CLEC1A: variants seen among roughly 807,000 people sequenced by gnomAD.
CLEC1A encodes C-type lectin-like receptor-1.
CLEC1A carries 34 observed loss-of-function variants against 28.7 expected under a neutral mutation model. The ratio of observed to expected loss-of-function variants is 1.18; its 90% CI spans 0.90 to 1.57. The LOEUF is 1.57. Among genes scored for constraint, CLEC1A ranks in the 40% most tolerant of loss-of-function variants. The pLI, the probability that CLEC1A is intolerant of heterozygous loss-of-function variation, is 0.00. For missense variants in CLEC1A, 385 were observed against 339.5 expected (o/e 1.13, Z -1.05); for synonymous variants, 116 against 121.0 (o/e 0.96, Z 0.27).
intron 2 of CLEC1A, among the ~76,000 whole-genome samples, chr12:10,085,720 G>A (rs1040128207): frequency 6.6e-6 from 1 of 152,150 alleles, no homozygotes; most frequent in Non-Finnish European, 1.5e-5. Context: ...CACAATAATA[G>A]TGGGGGACTT....
intron 3 of CLEC1A, among the ~76,000 whole-genome samples, chr12:10,079,253 C>T (rs1449363961): frequency 6.6e-6 from 1 of 152,030 alleles, no homozygotes; most frequent in Non-Finnish European, 1.5e-5. Context: ...GAACTAAATG[C>T]ATAAATATCA....
At chr12:10,090,393 G>T (rs138187892) in intron 1 of CLEC1A, among the ~76,000 whole-genome samples, 1 of 152,090 alleles carries the variant, frequency 6.6e-6, no homozygotes, top group African/African-American at 2.4e-5. Flanking sequence ...CGGAACTACA[G>T]GCACGTGCCA....
At chr12:10,072,062 G>T (rs1866147054) in intron 5 of CLEC1A, among the ~76,000 whole-genome samples, 1 of 152,152 alleles carries the variant, frequency 6.6e-6, no homozygotes, top group African/African-American at 2.4e-5. Flanking sequence ...AGGTGTTCGG[G>T]TCATCGGGGT....
At position 10,071,402 on chromosome 12, in the gene CLEC1A, C is replaced by G. The variant is rs144671005; in HGVS notation, c.774G>C (p.Glu258Asp). 6.2e-7 allele frequency: 1 copy of G among 1,613,934 alleles called. No homozygotes were observed. Among genetic ancestry groups the G allele is most frequent in the Non-Finnish European group, 8.5e-7 (1 of 1,179,932 alleles). The change falls in exon 6 of 6, where the codon GAG (glutamate) becomes GAC (aspartate). Residue 258 changes from glutamate (E) to aspartate (D), a missense_variant. Coordinates refer to ENST00000315330, the MANE Select transcript of CLEC1A (RefSeq NM_016511.4). ...CTGGCTTCACCATTCCTGCCCTTCT[C>G]TCACAGACACAACGCTTCAATTCTT... ...DCKELKRCVCERRAGMVKPES... is the reference protein window; with the variant it reads ...DCKELKRCVCDRRAGMVKPES...
chr12:10,080,054 A>T (rs1471339480), intron 3 of CLEC1A, among the ~76,000 whole-genome samples: 1 of 152,082 alleles, frequency 6.6e-6, no homozygotes, highest in Non-Finnish European at 1.5e-5. Context: ...TACGCTTATA[A>T]TCCTAGCACT....
At chr12:10,098,752 C>T in intron 1 of CLEC1A, 56 bp downstream of exon 1, 2 of 1,074,660 alleles carry the variant, frequency 1.9e-6, no homozygotes, top group Non-Finnish European at 2.8e-6. Context: ...AGGGATAGAT[C>T]ATCTCACACA....
At chr12:10,094,994 G>A (rs1052680459) in intron 1 of CLEC1A, among the ~76,000 whole-genome samples, 33 of 151,956 alleles carry the variant, frequency 2.2e-4, no homozygotes, top group Admixed American at 4.6e-4. Context: ...TTGCTTCTGC[G>A]GCCTCCAACA....
intron 2 of CLEC1A, among the ~76,000 whole-genome samples, chr12:10,086,748 A>G (rs1866499396): frequency 6.6e-6 from 1 of 152,238 alleles, no homozygotes; most frequent in African/African-American, 2.4e-5. Flanking sequence ...ATTGGTACAA[A>G]TATTACTGAA....
intron 1 of CLEC1A, among the ~76,000 whole-genome samples, chr12:10,094,418 T>C (rs755695733): frequency 2.0e-5 from 3 of 152,040 alleles, no homozygotes; most frequent in Non-Finnish European, 4.4e-5. Context: ...AGGATTGTGT[T>C]TCTCCATGTC....
Position 10,073,307 on chromosome 12 carries a change from A to G in CLEC1A, c.648T>C (p.Pro216=). 1 of 1,611,090 alleles carries G rather than the reference A, an allele frequency of 6.2e-7. No individual in the cohort carries two copies. Among genetic ancestry groups the G allele is most frequent in the Non-Finnish European group, 8.5e-7 (1 of 1,177,278 alleles). Residue 216 remains proline (P), a synonymous_variant, in exon 5 of 6, where the codon CCT becomes CCC. Transcript: ENST00000315330. ...TGAAGGCTTACAGTTCAGAAGTGAA[A>G]GGGGTTCCATCCATCCACAGCCAGG... is the stretch of plus-strand genomic sequence containing the variant. ...GKAWLWMDGT[P]FTSELFHIII...
At chr12:10,077,757 CT>C (rs890133718) in intron 3 of CLEC1A, among the ~76,000 whole-genome samples, 8 of 151,510 alleles carry the variant, frequency 5.3e-5, no homozygotes, top group South Asian at 2.1e-4. Context: ...GGCTAATCGT[CT>C]TTTTTTTTCT....
Position 10,092,725 on chromosome 12 carries a change from A to G in CLEC1A, c.116-3503T>C, listed in dbSNP as rs560112585. 5.3e-5 allele frequency among the ~76,000 whole-genome samples: 8 copies of G among 152,370 alleles called. No homozygotes were observed. In the South Asian group the frequency reaches 1.7e-3, roughly 32 times the overall value. The stretch of plus-strand genomic sequence containing the variant: ...ACTTTAGAAATCAGAACATCTTTCA[A>G]TAATAATTATATTCATGAAAAGAAA... On this transcript the variant is annotated intron_variant, in intron 1 of 5. Coordinates refer to ENST00000315330, the MANE Select transcript of CLEC1A (RefSeq NM_016511.4).
intron 2 of CLEC1A, among the ~76,000 whole-genome samples, chr12:10,083,004 C>A (rs1284130147): frequency 6.6e-6 from 1 of 152,244 alleles, no homozygotes; most frequent in Non-Finnish European, 1.5e-5. Context: ...CTGGTATCCA[C>A]AGATGGGAGA....
chr12:10,089,119 C>G lies in CLEC1A; in HGVS notation c.214+5G>C. On this transcript the variant is annotated splice_donor_5th_base_variant and intron_variant, in intron 2 of 5. Transcript: ENST00000315330. Reference sequence around the variant, plus strand: ...ATCCTCCCCCAGGTCAGAGCGCAGACTTACACAAAAGCCCCAGGGCTGCCA... The same window carrying G: ...ATCCTCCCCCAGGTCAGAGCGCAGAGTTACACAAAAGCCCCAGGGCTGCCA... 1 of 1,611,814 alleles carries G rather than the reference C, an allele frequency of 6.2e-7. No individual in the cohort carries two copies. Among genetic ancestry groups the G allele is most frequent in the Non-Finnish European group, 8.5e-7 (1 of 1,177,908 alleles).
chr12:10,092,232 G>A (rs1018730798), intron 1 of CLEC1A, among the ~76,000 whole-genome samples: 2 of 152,116 alleles, frequency 1.3e-5, no homozygotes, highest in African/African-American at 4.8e-5. Context: ...CGCCAGGCAC[G>A]GTGGCTTAGG....
chr12:10,082,679 C>T (rs1866396710), intron 2 of CLEC1A, among the ~76,000 whole-genome samples: 1 of 152,214 alleles, frequency 6.6e-6, no homozygotes, highest in Non-Finnish European at 1.5e-5. Flanking sequence ...AACAAGCTTA[C>T]ATCCCGTGTC....
At chr12:10,079,622 C>T (rs2137340890) in intron 3 of CLEC1A, among the ~76,000 whole-genome samples, 1 of 151,902 alleles carries the variant, frequency 6.6e-6, no homozygotes, top group East Asian at 1.9e-4. Context: ...GAGTTCAAGA[C>T]CAGCCTGGGC....
chr12:10,075,363 T>C (rs1866227840), intron 4 of CLEC1A, 141 bp downstream of exon 4: 3 of 759,854 alleles, frequency 3.9e-6, no homozygotes, highest in East Asian at 2.6e-5. Context: ...TTCAAAGCAA[T>C]AGGAATAAGA....
At chr12:10,074,038 C>G (rs543347290) in intron 4 of CLEC1A, among the ~76,000 whole-genome samples, 2 of 152,146 alleles carry the variant, frequency 1.3e-5, no homozygotes, top group Non-Finnish European at 2.9e-5. Flanking sequence ...TAGTCTCACT[C>G]TGCACTCCTA....
Sources: allele counts gnomAD v4.1 joint callset (sites outside exome capture counted in the v4.1 genomes callset), GRCh38; gene constraint gnomAD v4.1.1; transcripts MANE v1.5; gene names NCBI Gene and HGNC (gene_info 2026-07-23, HGNC 2026-07-21).